Variants in RBM33 observed in about 807,000 individuals in gnomAD.
RBM33 encodes RNA binding motif protein 33, also known as RNA-binding protein 33.
In RBM33, 28 loss-of-function variants were observed where a neutral mutation model predicts 132.6. The ratio of observed to expected loss-of-function variants is 0.21; its 90% CI spans 0.16 to 0.29. The LOEUF is 0.29. RBM33 is among the 10% of genes least tolerant of loss of function. RBM33 has a pLI of 1.00. For missense variants in RBM33, 1,291 were observed against 1,518.5 expected, an observed-to-expected ratio of 0.85 and a Z score of 2.49; for synonymous variants, 634 against 593.0, an observed-to-expected ratio of 1.07 and a Z score of -1.01.
chr7:155,714,088 G>T (rs995167540), intron 8 of RBM33, among the ~76,000 whole-genome samples: 1 of 152,280 alleles, frequency 6.6e-6, no homozygotes, highest in East Asian at 1.9e-4. Context: ...GTGGATGTGC[G>T]CAGGGATGGA....
chr7:155,771,799 C>CTG (rs1454445090), intron 16 of RBM33, among the ~76,000 whole-genome samples: 1 of 151,978 alleles, frequency 6.6e-6, no homozygotes, highest in Admixed American at 6.6e-5. Flanking sequence ...TGGTATGATC[C>CTG]TGTGATCATG....
rs891915475 is a variant in RBM33 at position 155,701,001 on chromosome 7, G to T, written c.739+57G>T. ...TACTCTCATTTCAACTTCCTCCATA[G>T]TATTGCTGTAATTAATCAAAGTAGG... On this transcript the variant is annotated intron_variant, in intron 6 of 17. Coordinates refer to ENST00000401878, the MANE Select transcript of RBM33 (RefSeq NM_053043.3). 3 of 1,404,946 alleles carry T rather than the reference G, an allele frequency of 2.1e-6. No individual in the cohort carries two copies. The South Asian group carries it at 3.6e-5, about 17-fold the overall frequency. 87.0% of individuals were successfully genotyped at this position (1,404,946 alleles called of 1,614,324 possible).
chr7:155,737,594 G>A lies in RBM33; in HGVS notation c.1325G>A (p.Arg442Gln), dbSNP rs547244895. The A allele has an allele frequency of 3.7e-6, 6 of 1,612,896 alleles. No individual in the cohort carries two copies. Among genetic ancestry groups the A allele is most frequent in the East Asian group, 2.2e-5 (1 of 44,848 alleles). The change falls in exon 10 of 18, where the codon CGA becomes CAA. Residue 442 changes from arginine (R) to glutamine (Q), a missense_variant. Transcript: ENST00000401878. The stretch of plus-strand genomic sequence containing the variant: ...CCCAACAGTTTCAGCCAGCCCCCAC[G>A]ACTCCCTCTCCAGGACCAGTGGAGA... ...PVPNSFSQPP[R>Q]LPLQDQWRAP...
intron 14 of RBM33, among the ~76,000 whole-genome samples, chr7:155,756,463 A>C (rs1449668583): frequency 6.6e-6 from 1 of 152,220 alleles, no homozygotes; most frequent in African/African-American, 2.4e-5. Flanking sequence ...CAACATACTA[A>C]AATCAAAAGT....
intron 14 of RBM33, among the ~76,000 whole-genome samples, chr7:155,754,370 C>T (rs1213118231): frequency 6.6e-6 from 1 of 152,112 alleles, no homozygotes; most frequent in African/African-American, 2.4e-5. Flanking sequence ...AGAACTTGCT[C>T]AGTGCTACAG....
intron 5 of RBM33, among the ~76,000 whole-genome samples, chr7:155,698,542 A>C (rs1404689798): frequency 1.3e-5 from 2 of 152,184 alleles, no homozygotes; most frequent in Admixed American, 1.3e-4. Context: ...AAGTGCTATC[A>C]GCCGTGTTTG....
chr7:155,644,804 G>T lies in RBM33; in HGVS notation c.-73G>T, dbSNP rs969505773. On this transcript the variant is annotated 5_prime_UTR_variant, in exon 1 of 18. Coordinates refer to ENST00000401878, the MANE Select transcript of RBM33 (RefSeq NM_053043.3). ...TCTCTGTCCTCCGTCACCCGTACCC[G>T]GGCCCGGACCAGGCACGTCGGCCCA... 1.6e-6 allele frequency: 2 copies of T among 1,288,502 alleles called. No individual in the cohort carries two copies. The highest frequency in any genetic ancestry group is 1.5e-5 in the African/African-American group (1 of 64,578). The allele number at this position is 1,288,502 out of a possible 1,614,324, so 79.8% of individuals were successfully genotyped here.
rs1242703595 is a variant in RBM33, at chr7:155,777,622, T to G, written c.*2581T>G. On this transcript the variant is annotated 3_prime_UTR_variant, in exon 18 of 18. Transcript: ENST00000401878. ...TCTTTGTTCTTGAGTTCATCATGCA[T>G]TTAAAATGAGATGCAAGAGCATTTA... The G allele has an allele frequency of 1.3e-5, 2 of 152,666 alleles. No individual in the cohort carries two copies. The highest frequency in any genetic ancestry group is 3.8e-4 in the East Asian group (2 of 5,208). 9.5% of individuals were successfully genotyped at this position (152,666 alleles called of 1,614,324 possible).
intron 5 of RBM33, among the ~76,000 whole-genome samples, chr7:155,694,348 T>C (rs1188790022): frequency 2.0e-5 from 3 of 152,202 alleles, no homozygotes; most frequent in African/African-American, 7.2e-5. Flanking sequence ...TCTTCTAACA[T>C]AGTTATTTAA....
chr7:155,737,671 A>G lies in RBM33; in HGVS notation c.1393+9A>G, dbSNP rs370910277. On this transcript the variant is annotated intron_variant, in intron 10 of 17. Transcript: ENST00000401878. ...CCCTTTCTTCTTAGGAGGTACAGAA[A>G]GAGTGAGTGGTGTGGAGTAACAACA... 81 of 1,568,078 alleles carry G rather than the reference A, an allele frequency of 5.2e-5. No individual in the cohort carries two copies. The highest frequency in any genetic ancestry group is 6.5e-5 in the Non-Finnish European group (76 of 1,162,866).
At chr7:155,718,345 G>A (rs746340682) in intron 8 of RBM33, 40 bp from the exon 9 acceptor site, 1 of 1,561,218 alleles carries the variant, frequency 6.4e-7, no homozygotes, top group Non-Finnish European at 8.8e-7. Flanking sequence ...TTTGAGTGTT[G>A]AGTAAAGTGT....
intron 3 of RBM33, among the ~76,000 whole-genome samples, chr7:155,674,216 A>G (rs977993863): frequency 3.9e-5 from 6 of 152,094 alleles, no homozygotes; most frequent in Admixed American, 2.0e-4. Flanking sequence ...TAAGTTGAAC[A>G]TGAAAGCCCA....
intron 3 of RBM33, among the ~76,000 whole-genome samples, chr7:155,673,303 A>G (rs974041153): frequency 1.3e-5 from 2 of 152,122 alleles, no homozygotes; most frequent in African/African-American, 2.4e-5. Flanking sequence ...ACATACTCAA[A>G]TATAATAAAC....
At position 155,745,009 on chromosome 7, in the gene RBM33, G is replaced by C; in HGVS notation, c.2386G>C (p.Glu796Gln). Residue 796 changes from glutamate (E) to glutamine (Q), a missense_variant, in exon 14 of 18, where the codon GAA becomes CAA. Physicochemically the swap from Glu to Gln is conservative, Grantham distance 29 (BLOSUM62 2). Transcript: ENST00000401878. The surrounding 1 kb of genome is among the most constrained non-coding windows in gnomAD (Gnocchi z 4.1). ...ETRLYRLKIE[E>Q]QKRLREEILK... Reference sequence around the variant, plus strand: ...AAGGTTATATCGCTTAAAGATAGAAGAACAGAAACGCCTAAGAGAAGAAAT... The same window carrying C: ...AAGGTTATATCGCTTAAAGATAGAACAACAGAAACGCCTAAGAGAAGAAAT... 1 of 1,604,062 alleles carries C rather than the reference G, an allele frequency of 6.2e-7. No individual in the cohort carries two copies. The highest frequency in any genetic ancestry group is 8.5e-7 in the Non-Finnish European group (1 of 1,177,092).
At position 155,680,894 on chromosome 7, in the gene RBM33, T is replaced by G. The variant is rs1249354516; in HGVS notation, c.553T>G (p.Leu185Val). ...GTTAGACATCGAGATCAATGAACCTTTAGATGAATTTACAGTGAGTCTTTT... is the reference window on the plus strand; with the variant it reads ...GTTAGACATCGAGATCAATGAACCTGTAGATGAATTTACAGTGAGTCTTTT... ...EVLDIEINEP[L>V]DEFTGGMETL... Residue 185 changes from leucine to valine, a missense_variant, in exon 5 of 18, where the codon TTA becomes GTA. Leu to Val is a conservative substitution (Grantham distance 32, BLOSUM62 1). Transcript: ENST00000401878. 1 of 1,612,938 alleles carries G rather than the reference T, an allele frequency of 6.2e-7. No homozygotes were observed. Among genetic ancestry groups the G allele is most frequent in the Non-Finnish European group, 8.5e-7 (1 of 1,179,368 alleles).
intron 1 of RBM33, 100 bp from the exon 2 acceptor site, chr7:155,665,075 C>A: frequency 1.1e-6 from 1 of 875,672 alleles, no homozygotes; most frequent in Non-Finnish European, 1.8e-6. Context: ...TTTAAAATGT[C>A]AAGTCAGGAA....
intron 13 of RBM33, among the ~76,000 whole-genome samples, chr7:155,743,069 G>C (rs535121950): frequency 6.6e-6 from 1 of 152,238 alleles, no homozygotes; most frequent in East Asian, 1.9e-4. Context: ...TTTTCAGTTA[G>C]ATTTTCTTCT....
rs76407781 is a variant in RBM33, at chr7:155,741,112, G to T, written c.2050-707G>T. On this transcript the variant is annotated intron_variant, in intron 12 of 17. Transcript: ENST00000401878. Reference sequence around the variant, plus strand: ...AAAAGATTTCTAAATCTGAGAAGAGGGTGCTTTATAACCTGGGTTTCATTT... The same window carrying T: ...AAAAGATTTCTAAATCTGAGAAGAGTGTGCTTTATAACCTGGGTTTCATTT... 4.1e-3 allele frequency among the ~76,000 whole-genome samples: 623 copies of T among 152,212 alleles called. 8 individuals carry two copies. The highest frequency in any genetic ancestry group is 0.014 in the African/African-American group (598 of 41,514).
At chr7:155,708,714 A>G (rs1193285157) in intron 7 of RBM33, among the ~76,000 whole-genome samples, 1 of 152,224 alleles carries the variant, frequency 6.6e-6, no homozygotes, top group East Asian at 1.9e-4. Context: ...TAAGACTGAC[A>G]CAGCTTTGTA....
Sources: allele counts gnomAD v4.1 joint callset (sites outside exome capture counted in the v4.1 genomes callset), GRCh38; gene constraint gnomAD v4.1.1; non-coding constraint Gnocchi (gnomAD v3.1); transcripts MANE v1.5; gene names NCBI Gene and HGNC (gene_info 2026-07-23, HGNC 2026-07-21).